The following RXFP2 variants were observed in gnomAD, a reference collection of about 807,000 sequenced individuals.
The protein encoded by RXFP2 is relaxin family peptide receptor 2, also known as relaxin receptor 2.
RXFP2 carries 68 observed loss-of-function variants against 88.6 expected under a neutral mutation model. That is an observed-to-expected ratio of 0.77 (90% CI 0.63 to 0.94). RXFP2 has a LOEUF of 0.94. Ranked by LOEUF, RXFP2 falls within the 40% of genes least tolerant of loss-of-function variation. The pLI is 0.00. For missense variants in RXFP2, 791 were observed against 893.9 expected, an observed-to-expected ratio of 0.88 and a Z score of 1.47; for synonymous variants, 329 against 306.8, an observed-to-expected ratio of 1.07 and a Z score of -0.76.
At chr13:31,776,130 C>CTTT (rs1180932408) in intron 7 of RXFP2, among the ~76,000 whole-genome samples, 2 of 141,148 alleles carry the variant, frequency 1.4e-5, no homozygotes, top group Non-Finnish European at 3.1e-5. Flanking sequence ...TTCTTTCTTT[C>CTTT]TTTCTTTCTT....
chr13:31,763,766 C>G (rs187885163), intron 3 of RXFP2, among the ~76,000 whole-genome samples: 1 of 152,142 alleles, frequency 6.6e-6, no homozygotes, highest in African/African-American at 2.4e-5. Context: ...TGAAATTATT[C>G]TATTGGTAAA....
chr13:31,740,066 T>C (rs1227512704), intron 1 of RXFP2, among the ~76,000 whole-genome samples: 1 of 152,144 alleles, frequency 6.6e-6, no homozygotes, highest in South Asian at 2.1e-4. Flanking sequence ...TTCAACCTGT[T>C]GAAATATGCC....
chr13:31,759,723 C>T (rs1203553672), intron 2 of RXFP2, among the ~76,000 whole-genome samples: 3 of 152,138 alleles, frequency 2.0e-5, no homozygotes, highest in Non-Finnish European at 4.4e-5. Flanking sequence ...CCAAAAGAAT[C>T]CTGTGTGTTT....
intron 2 of RXFP2, among the ~76,000 whole-genome samples, chr13:31,759,412 A>AGAAG (rs1491512633): frequency 2.0e-5 from 3 of 150,734 alleles, no homozygotes; most frequent in African/African-American, 7.3e-5. Context: ...AAAGAAAGAA[A>AGAAG]GAAAGAAAGA....
At chr13:31,741,641 C>T (rs1871227645) in intron 1 of RXFP2, among the ~76,000 whole-genome samples, 1 of 152,072 alleles carries the variant, frequency 6.6e-6, no homozygotes, top group African/African-American at 2.4e-5. Context: ...CTTCTCTGAC[C>T]ATCATCACTC....
At chr13:31,763,344 C>G (rs1482575061) in intron 3 of RXFP2, among the ~76,000 whole-genome samples, 1 of 152,064 alleles carries the variant, frequency 6.6e-6, no homozygotes, top group African/African-American at 2.4e-5. Context: ...CTCAGCCCCC[C>G]AAAGTGTTGG....
At chr13:31,776,706 T>C (rs1873003927) in intron 7 of RXFP2, among the ~76,000 whole-genome samples, 1 of 152,214 alleles carries the variant, frequency 6.6e-6, no homozygotes. Flanking sequence ...GTGCTCAATG[T>C]GGCTTCCTTC....
At chr13:31,764,556 T>C (rs894564780) in intron 3 of RXFP2, among the ~76,000 whole-genome samples, 8 of 152,172 alleles carry the variant, frequency 5.3e-5, no homozygotes, top group African/African-American at 9.7e-5. Context: ...GCCAGGGTGG[T>C]TATGGTAGAA....
At chr13:31,792,652 C>T (rs530161947) in intron 15 of RXFP2, 26 bp from the exon 16 acceptor site, 1 of 1,608,658 alleles carries the variant, frequency 6.2e-7, no homozygotes, top group Admixed American at 1.7e-5. Context: ...AAACTGATGA[C>T]ATACACTGTT....
intron 17 of RXFP2, among the ~76,000 whole-genome samples, chr13:31,800,395 C>T (rs915233196): frequency 6.6e-6 from 1 of 152,044 alleles, no homozygotes; most frequent in Non-Finnish European, 1.5e-5. Flanking sequence ...ACGGTGAAAC[C>T]CCGTCTCTAC....
chr13:31,759,024 G>C (rs568890035), intron 2 of RXFP2, among the ~76,000 whole-genome samples: 17 of 150,304 alleles, frequency 1.1e-4, no homozygotes, highest in African/African-American at 4.2e-4. Context: ...TCCAGCCTGG[G>C]TAACAAGAGC....
chr13:31,750,222 A>C (rs2138389846), intron 1 of RXFP2, among the ~76,000 whole-genome samples: 1 of 152,282 alleles, frequency 6.6e-6, no homozygotes, highest in East Asian at 1.9e-4. Context: ...ACTGGTCCTG[A>C]CTATTGCGTC....
At chr13:31,762,514 G>C (rs1367114122) in intron 3 of RXFP2, among the ~76,000 whole-genome samples, 1 of 152,190 alleles carries the variant, frequency 6.6e-6, no homozygotes, top group Admixed American at 6.5e-5. Flanking sequence ...AAGGGTTTTG[G>C]TGTACACCTT....
intron 2 of RXFP2, among the ~76,000 whole-genome samples, chr13:31,759,443 A>AAGAAAGAAAGAAAGAAAGAAAGAT (rs1452508897): frequency 2.0e-5 from 3 of 151,154 alleles, no homozygotes; most frequent in Non-Finnish European, 4.4e-5. Flanking sequence ...GAAAGAAAGA[A>AAGAAAGAAAGAAAGAAAGAAAGAT]AGATACTGTG....
intron 9 of RXFP2, among the ~76,000 whole-genome samples, chr13:31,780,410 T>C (rs1873211280): frequency 6.6e-6 from 1 of 152,226 alleles, no homozygotes; most frequent in Admixed American, 6.5e-5. Context: ...ATTTTTTCCA[T>C]TCCATTTCAC....
chr13:31,784,145 A>G (rs1826766868), intron 11 of RXFP2, among the ~76,000 whole-genome samples: 1 of 151,966 alleles, frequency 6.6e-6, no homozygotes, highest in South Asian at 2.1e-4. Flanking sequence ...TATTTTATAT[A>G]TAAACTTAAG....
intron 1 of RXFP2, among the ~76,000 whole-genome samples, chr13:31,742,092 T>G (rs1871242697): frequency 6.6e-6 from 1 of 152,090 alleles, no homozygotes; most frequent in Admixed American, 6.6e-5. Context: ...TTTAAACTTT[T>G]AAAAAACATT....
At chr13:31,779,956 G>A (rs938833669) in intron 9 of RXFP2, among the ~76,000 whole-genome samples, 1 of 152,146 alleles carries the variant, frequency 6.6e-6, no homozygotes, top group Non-Finnish European at 1.5e-5. Flanking sequence ...AACACCATGA[G>A]AATAAGAATA....
rs1190404662 is a variant in RXFP2, at chr13:31,739,711, G to A, written c.94+5G>A. On this transcript the variant is annotated splice_donor_5th_base_variant and intron_variant, in intron 1 of 17. Coordinates refer to ENST00000298386, the MANE Select transcript of RXFP2 (RefSeq NM_130806.5). ...TCGTTCTGATCAATGTCAAAGGTAAGGTTGCTACTTTCTCGTTTTAAATGA... is the reference window on the plus strand; with the variant it reads ...TCGTTCTGATCAATGTCAAAGGTAAAGTTGCTACTTTCTCGTTTTAAATGA... The A allele has an allele frequency of 6.3e-7, 1 of 1,575,430 alleles. No individual in the cohort carries two copies. Among genetic ancestry groups the A allele is most frequent in the East Asian group, 2.2e-5 (1 of 44,688 alleles).
Sources: allele counts gnomAD v4.1 joint callset (sites outside exome capture counted in the v4.1 genomes callset), GRCh38; gene constraint gnomAD v4.1.1; transcripts MANE v1.5; gene names NCBI Gene and HGNC (gene_info 2026-07-23, HGNC 2026-07-21).